TAF3: variants seen among roughly 807,000 people sequenced by gnomAD.
TAF3 encodes TATA-box binding protein associated factor 3.
TAF3 carries 7 observed loss-of-function variants against 80.6 expected under a neutral mutation model. The observed-to-expected ratio is 0.09, with a 90% CI of 0.05 to 0.16. The LOEUF (loss-of-function observed/expected upper bound fraction) is 0.16. Among genes scored for constraint, TAF3 ranks in the 10% least tolerant of loss-of-function variants. TAF3 has a pLI of 1.00. For synonymous variants in TAF3, 444 were observed against 446.1 expected (o/e 1.00, Z 0.06); for missense variants, 921 against 1,140.2 (o/e 0.81, Z 2.77).
chr10:7,986,661 C>T (rs1831781003), intron 4 of TAF3, among the ~76,000 whole-genome samples: 1 of 152,184 alleles, frequency 6.6e-6, no homozygotes, highest in South Asian at 2.1e-4. Flanking sequence ...TTCCGCTCAG[C>T]ATCTTCAAGC....
At chr10:7,982,484 C>T (rs776212328) in intron 4 of TAF3, among the ~76,000 whole-genome samples, 3 of 152,144 alleles carry the variant, frequency 2.0e-5, no homozygotes, top group Non-Finnish European at 4.4e-5. Flanking sequence ...CTGCAACCTC[C>T]ACCTCCCGGG....
intron 2 of TAF3, among the ~76,000 whole-genome samples, chr10:7,884,901 A>G (rs1309304204): frequency 6.6e-6 from 1 of 152,208 alleles, no homozygotes; most frequent in Non-Finnish European, 1.5e-5. Context: ...TTAATATCAT[A>G]CAGCTCACTA....
intron 2 of TAF3, among the ~76,000 whole-genome samples, chr10:7,857,872 A>G (rs1207213471): frequency 1.3e-5 from 2 of 151,264 alleles, no homozygotes; most frequent in Non-Finnish European, 2.9e-5. Flanking sequence ...CTTGATTTTC[A>G]GCTATATCAC....
intron 2 of TAF3, among the ~76,000 whole-genome samples, chr10:7,846,147 T>C (rs536878603): frequency 1.2e-3 from 179 of 152,166 alleles, no homozygotes; most frequent in African/African-American, 2.8e-3. Context: ...TTGGTAGAGA[T>C]GGGGTTTCAC....
intron 2 of TAF3, among the ~76,000 whole-genome samples, chr10:7,857,135 AAC>A (rs1272981701): frequency 6.6e-6 from 1 of 152,242 alleles, no homozygotes; most frequent in Admixed American, 6.5e-5. Context: ...ACAAAAGTGA[AAC>A]AACACATACG....
chr10:7,902,859 T>C (rs570562938), intron 2 of TAF3, among the ~76,000 whole-genome samples: 1 of 152,310 alleles, frequency 6.6e-6, no homozygotes, highest in Non-Finnish European at 1.5e-5. Flanking sequence ...AAAAAAAGAA[T>C]TGTCTCTCTT....
Position 8,014,835 on chromosome 10 carries a change from G to C in TAF3, c.*84G>C. The C allele has an allele frequency of 1.7e-6, 2 of 1,197,840 alleles. No individual in the cohort carries two copies. The highest frequency in any genetic ancestry group is 2.6e-5 in the East Asian group (1 of 38,062). 74.2% of individuals were successfully genotyped at this position (1,197,840 alleles called of 1,614,324 possible). A position where few individuals can be genotyped will look rare whatever the true frequency, so the allele number is the denominator to read the frequency against. On this transcript the variant is annotated 3_prime_UTR_variant, in exon 7 of 7. Coordinates refer to ENST00000344293, the MANE Select transcript of TAF3 (RefSeq NM_031923.4). ...GGAAGGGAGCTGGTGCAAGTCTGCC[G>C]TCACATCCACCCCCAGATGCCTGTG...
At chr10:7,870,257 C>T (rs1837252282) in intron 2 of TAF3, among the ~76,000 whole-genome samples, 1 of 152,154 alleles carries the variant, frequency 6.6e-6, no homozygotes, top group Non-Finnish European at 1.5e-5. Context: ...ATGAAATTCT[C>T]ATCAGTCATT....
At position 7,867,490 on chromosome 10, in the gene TAF3, C is replaced by T. The variant is rs75048866; in HGVS notation, c.409+42930C>T. Among the ~76,000 whole-genome samples, 1,128 of 152,150 alleles carry T rather than the reference C, an allele frequency of 7.4e-3. 15 individuals are homozygous for T. The highest frequency in any genetic ancestry group is 0.025 in the African/African-American group (1,058 of 41,494). Reference sequence around the variant, plus strand: ...TTACACCCTGGCTCTGAAATTAGCCCATTTGTGTTTGTTTTGCCTTTAGGA... The same window carrying T: ...TTACACCCTGGCTCTGAAATTAGCCTATTTGTGTTTGTTTTGCCTTTAGGA... On this transcript the variant is annotated intron_variant, in intron 2 of 6. Coordinates refer to ENST00000344293, the MANE Select transcript of TAF3 (RefSeq NM_031923.4).
At position 7,866,235 on chromosome 10, in the gene TAF3, G is replaced by C. The variant is rs1450826344; in HGVS notation, c.409+41675G>C. On this transcript the variant is annotated intron_variant, in intron 2 of 6. Coordinates refer to ENST00000344293, the MANE Select transcript of TAF3 (RefSeq NM_031923.4). ...TCCACTCTGTGCCGTCACTCTTCCA[G>C]GCACGGGGGATGGAGCAGTCAATAA... Among the ~76,000 whole-genome samples the C allele has an allele frequency of 4.6e-4, 70 of 152,188 alleles. 2 individuals are homozygous for C. The highest frequency in any genetic ancestry group is 4.6e-3 in the Admixed American group (70 of 15,278).
chr10:7,989,350 C>T (rs1831811299), intron 4 of TAF3, among the ~76,000 whole-genome samples: 1 of 152,174 alleles, frequency 6.6e-6, no homozygotes, highest in African/African-American at 2.4e-5. Flanking sequence ...TGTGTAGAGA[C>T]AGGCAAACCC....
chr10:7,874,551 G>A (rs972238911), intron 2 of TAF3, among the ~76,000 whole-genome samples: 5 of 151,844 alleles, frequency 3.3e-5, no homozygotes, highest in African/African-American at 1.2e-4. Context: ...ATATAAATAA[G>A]CTCTATAAGC....
intron 2 of TAF3, among the ~76,000 whole-genome samples, chr10:7,941,075 G>C (rs1328329294): frequency 6.6e-6 from 1 of 152,152 alleles, no homozygotes; most frequent in Non-Finnish European, 1.5e-5. Context: ...AGTCAAGGAA[G>C]ATAAGAGTAA....
intron 2 of TAF3, among the ~76,000 whole-genome samples, chr10:7,940,517 T>C (rs1588559625): frequency 6.6e-6 from 1 of 152,230 alleles, no homozygotes; most frequent in African/African-American, 2.4e-5. Flanking sequence ...TAAAAAACAG[T>C]GTGCAGTTCT....
At chr10:7,881,879 T>A (rs750393942) in intron 2 of TAF3, among the ~76,000 whole-genome samples, 16 of 152,224 alleles carry the variant, frequency 1.1e-4, no homozygotes, top group Non-Finnish European at 1.5e-4. Flanking sequence ...CTGATTTTTG[T>A]GATTCTTGAG....
At chr10:7,973,895 T>C (rs1376161952) in intron 3 of TAF3, among the ~76,000 whole-genome samples, 5 of 152,060 alleles carry the variant, frequency 3.3e-5, no homozygotes, top group African/African-American at 1.2e-4. Flanking sequence ...TTTGGGAGGC[T>C]GAGGCAGGCA....
chr10:7,979,373 A>T (rs1831704281), intron 4 of TAF3, among the ~76,000 whole-genome samples: 1 of 152,012 alleles, frequency 6.6e-6, no homozygotes, highest in South Asian at 2.1e-4. Flanking sequence ...AAAAAAAAAA[A>T]AAAGGCATTG....
At chr10:7,988,883 G>A (rs1831806283) in intron 4 of TAF3, among the ~76,000 whole-genome samples, 1 of 151,158 alleles carries the variant, frequency 6.6e-6, no homozygotes, top group Admixed American at 6.6e-5. Context: ...GTGTAAAATG[G>A]TACATTGTTT....
At chr10:7,942,147 T>G (rs1837982169) in intron 2 of TAF3, among the ~76,000 whole-genome samples, 1 of 152,200 alleles carries the variant, frequency 6.6e-6, no homozygotes, top group Non-Finnish European at 1.5e-5. Flanking sequence ...CTTATAATTC[T>G]GATTTGGAAG....
Sources: allele counts gnomAD v4.1 joint callset (sites outside exome capture counted in the v4.1 genomes callset), GRCh38; gene constraint gnomAD v4.1.1; transcripts MANE v1.5; gene names NCBI Gene and HGNC (gene_info 2026-07-23, HGNC 2026-07-21).